The following APBB2 variants were observed in gnomAD, a reference collection of about 807,000 sequenced individuals.
The protein encoded by APBB2 is Fe65-like 1.
APBB2 carries 38 observed loss-of-function variants against 82.5 expected under a neutral mutation model. That is an observed-to-expected ratio of 0.46 (90% confidence interval 0.36 to 0.60). APBB2 has a LOEUF of 0.60. Ranked by LOEUF, APBB2 falls within the 20% of genes least tolerant of loss-of-function variation. The pLI is 0.00. For missense variants in APBB2, 772 were observed against 972.3 expected (o/e 0.79, Z 2.74); for synonymous variants, 341 against 368.2 (o/e 0.93, Z 0.85).
At chr4:40,902,485 G>C (rs1775585771) in intron 10 of APBB2, among the ~76,000 whole-genome samples, 7 of 152,174 alleles carry the variant, frequency 4.6e-5, no homozygotes, top group Admixed American at 4.6e-4. Flanking sequence ...TGACAGGCAG[G>C]ACTGAATGAC....
intron 6 of APBB2, among the ~76,000 whole-genome samples, chr4:40,982,461 G>GAA (rs1409403495): frequency 5.2e-5 from 4 of 76,412 alleles, no homozygotes; most frequent in African/African-American, 1.7e-4. Context: ...AAGAATGAAT[G>GAA]AATTTGAGAC....
At chr4:41,206,575 T>C (rs1221952117) in intron 1 of APBB2, among the ~76,000 whole-genome samples, 1 of 152,238 alleles carries the variant, frequency 6.6e-6, no homozygotes, top group African/African-American at 2.4e-5. Context: ...GATCAGATAA[T>C]CTGAAGAATC....
intron 12 of APBB2, among the ~76,000 whole-genome samples, chr4:40,846,326 C>CAA (rs3086182): frequency 0.025 from 1,553 of 61,396 alleles, 17 homozygotes; most frequent in Non-Finnish European, 0.031. Context: ...GAAAACACTC[C>CAA]AAAAAAAAAA....
At chr4:41,070,765 T>C (rs1733582702) in intron 3 of APBB2, among the ~76,000 whole-genome samples, 1 of 152,228 alleles carries the variant, frequency 6.6e-6, no homozygotes, top group African/African-American at 2.4e-5. Flanking sequence ...ACATCAAATC[T>C]GATTGTGTCC....
intron 1 of APBB2, among the ~76,000 whole-genome samples, chr4:41,145,321 G>A (rs1170501597): frequency 6.6e-6 from 1 of 152,028 alleles, no homozygotes; most frequent in African/African-American, 2.4e-5. Context: ...GAGGTAAAAT[G>A]TCTTTCCCTC....
At chr4:40,993,813 T>C (rs1291965514) in intron 6 of APBB2, among the ~76,000 whole-genome samples, 2 of 152,182 alleles carry the variant, frequency 1.3e-5, no homozygotes, top group African/African-American at 4.8e-5. Flanking sequence ...TCCATTATAA[T>C]AGGAACACAG....
chr4:41,167,746 A>G (rs1275570758), intron 1 of APBB2, among the ~76,000 whole-genome samples: 1 of 152,194 alleles, frequency 6.6e-6, no homozygotes, highest in Non-Finnish European at 1.5e-5. Context: ...ACCAGCTGTG[A>G]GCTGATCCTA....
chr4:41,180,284 G>T (rs1770963939), intron 1 of APBB2, among the ~76,000 whole-genome samples: 2 of 152,156 alleles, frequency 1.3e-5, no homozygotes, highest in Non-Finnish European at 2.9e-5. Context: ...TGAAGGTGGG[G>T]TTATGTGTGC....
At chr4:41,180,600 A>T (rs1281554922) in intron 1 of APBB2, among the ~76,000 whole-genome samples, 1 of 152,140 alleles carries the variant, frequency 6.6e-6, no homozygotes, top group Non-Finnish European at 1.5e-5. Flanking sequence ...GTGAGCTATG[A>T]TCGCACCACT....
chr4:40,997,463 CA>C (rs1306187209), intron 6 of APBB2, among the ~76,000 whole-genome samples: 1 of 152,190 alleles, frequency 6.6e-6, no homozygotes, highest in African/African-American at 2.4e-5. Context: ...TTAACAAAAG[CA>C]AGGTCAGTTA....
intron 3 of APBB2, among the ~76,000 whole-genome samples, chr4:41,081,304 GT>G (rs1737536642): frequency 6.6e-6 from 1 of 152,178 alleles, no homozygotes; most frequent in Non-Finnish European, 1.5e-5. Context: ...GTGTACACAT[GT>G]GTGAAACTGT....
chr4:41,085,676 C>T (rs530635548), intron 3 of APBB2, among the ~76,000 whole-genome samples: 2 of 152,042 alleles, frequency 1.3e-5, no homozygotes, highest in Admixed American at 6.5e-5. Context: ...AAAGGCACTA[C>T]CCAAGGAACA....
chr4:40,880,181 T>C (rs1172743461), intron 12 of APBB2: 1 of 985,280 alleles, frequency 1.0e-6, no homozygotes, highest in Admixed American at 6.1e-5. Flanking sequence ...GAGGCACAAT[T>C]ACATTGCAAA....
At chr4:41,112,780 G>A (rs931811386) in intron 2 of APBB2, among the ~76,000 whole-genome samples, 1 of 152,108 alleles carries the variant, frequency 6.6e-6, no homozygotes. Context: ...ATGAGGTCAG[G>A]AGTTCGAGAC....
In APBB2 at chr4:40,912,537, A is replaced by T. The variant is rs183924940; in HGVS notation, c.1255-19126T>A. Among the ~76,000 whole-genome samples, 168 of 151,614 alleles carry T rather than the reference A, an allele frequency of 1.1e-3. 1 individual carries two copies. In the East Asian group the frequency reaches 0.032, roughly 29 times the overall value. On this transcript the variant is annotated intron_variant, in intron 10 of 17. Coordinates refer to ENST00000508593, the MANE Select transcript of APBB2 (RefSeq NM_004307.2). ...GGTTGCAGTGAGCTGAGATCGTGCC[A>T]CTGCACTCCAGCCTGGCTGACAGAG...
At chr4:41,107,156 C>G (rs915804090) in intron 2 of APBB2, among the ~76,000 whole-genome samples, 8 of 151,934 alleles carry the variant, frequency 5.3e-5, no homozygotes, top group Non-Finnish European at 1.2e-4. Flanking sequence ...CAAAAAAATA[C>G]AAAAATTAGC....
At chr4:40,848,482 G>T (rs1264106876) in intron 12 of APBB2, among the ~76,000 whole-genome samples, 2 of 152,184 alleles carry the variant, frequency 1.3e-5, no homozygotes, top group Non-Finnish European at 2.9e-5. Context: ...TAGCACCTGA[G>T]CCTGGCTCCC....
chr4:40,917,737 G>C (rs1165633571), intron 10 of APBB2, among the ~76,000 whole-genome samples: 1 of 152,210 alleles, frequency 6.6e-6, no homozygotes, highest in African/African-American at 2.4e-5. Flanking sequence ...CCTTCTACAG[G>C]ATATCAAAGA....
intron 10 of APBB2, among the ~76,000 whole-genome samples, chr4:40,901,112 G>C (rs1207731169): frequency 6.6e-6 from 1 of 152,170 alleles, no homozygotes; most frequent in Non-Finnish European, 1.5e-5. Context: ...GAAATCTCAG[G>C]TCGGCCACTT....
Sources: gnomAD v4.1 joint callset for allele counts (sites outside exome capture counted in the v4.1 genomes callset) on GRCh38, gnomAD v4.1.1 for gene constraint, MANE v1.5 for transcripts, NCBI Gene and HGNC (gene_info 2026-07-23, HGNC 2026-07-21) for gene names.